The following RSPO2 variants were observed in gnomAD, a reference collection of about 807,000 sequenced individuals.
The protein encoded by RSPO2 is R-spondin 2, also known as R-spondin-2.
RSPO2 carries 14 observed loss-of-function variants against 30.9 expected under a neutral mutation model. That is an observed-to-expected ratio of 0.45 (90% CI 0.30 to 0.71). RSPO2 has a LOEUF of 0.71. RSPO2 is among the 30% of genes least tolerant of loss of function. The pLI is 0.08. For missense variants in RSPO2, 264 were observed against 301.9 expected, an observed-to-expected ratio of 0.87 and a Z score of 0.93; for synonymous variants, 107 against 96.4, an observed-to-expected ratio of 1.11 and a Z score of -0.64.
At chr8:107,937,510 A>T (rs901826078) in intron 5 of RSPO2, among the ~76,000 whole-genome samples, 4 of 151,830 alleles carry the variant, frequency 2.6e-5, no homozygotes, top group Non-Finnish European at 5.9e-5. Flanking sequence ...ATTAAGTGGT[A>T]GTCCTGGGAA....
chr8:107,961,149 C>T (rs973827166), intron 3 of RSPO2, among the ~76,000 whole-genome samples: 1 of 152,170 alleles, frequency 6.6e-6, no homozygotes, highest in Non-Finnish European at 1.5e-5. Context: ...TTACTTGCTG[C>T]CAGTATTGAA....
chr8:108,013,300 C>T (rs1810765087), intron 2 of RSPO2, among the ~76,000 whole-genome samples: 1 of 152,152 alleles, frequency 6.6e-6, no homozygotes, highest in Non-Finnish European at 1.5e-5. Context: ...TACTTTTCCA[C>T]CACTGTTAAT....
chr8:107,991,753 G>A (rs746874250), intron 2 of RSPO2, among the ~76,000 whole-genome samples: 1 of 152,098 alleles, frequency 6.6e-6, no homozygotes, highest in African/African-American at 2.4e-5. Context: ...CTCAAAGGAA[G>A]ACACACACGT....
chr8:107,942,150 G>A (rs1035089892), intron 5 of RSPO2, among the ~76,000 whole-genome samples: 4 of 152,260 alleles, frequency 2.6e-5, no homozygotes, highest in East Asian at 1.9e-4. Flanking sequence ...ACCTCCAAGG[G>A]TGGCTAAACT....
rs190262595 is a variant in RSPO2, at chr8:108,055,048, G to C, written c.94+27497C>G. 6.6e-5 allele frequency among the ~76,000 whole-genome samples: 10 copies of C among 152,320 alleles called. No individual in the cohort carries two copies. In the East Asian group the frequency reaches 1.5e-3, roughly 24 times the overall value. On this transcript the variant is annotated intron_variant, in intron 2 of 5. Transcript: ENST00000276659. The stretch of plus-strand genomic sequence containing the variant: ...AGGTGGGAGGATCGCTTGAGCCCAG[G>C]AGGTCGAGGCTACAGTGAGCTGAGA...
intron 2 of RSPO2, among the ~76,000 whole-genome samples, chr8:108,003,277 G>GTGTATATATATATA (rs1198114898): frequency 1.8e-5 from 1 of 56,370 alleles, no homozygotes; most frequent in Non-Finnish European, 3.4e-5. Context: ...GTGTGTGTGT[G>GTGTATATATATATA]TATATATATA....
At chr8:108,074,627 G>GT in intron 2 of RSPO2, among the ~76,000 whole-genome samples, 1 of 152,316 alleles carries the variant, frequency 6.6e-6, no homozygotes, top group Admixed American at 6.5e-5. Context: ...GTTGTAGGAA[G>GT]TTCTGGGGAT....
intron 2 of RSPO2, among the ~76,000 whole-genome samples, chr8:108,063,628 T>C (rs886329837): frequency 6.6e-6 from 1 of 151,856 alleles, no homozygotes; most frequent in Non-Finnish European, 1.5e-5. Context: ...ATAGATTCAA[T>C]GCCATCCCAT....
chr8:108,049,045 G>A (rs200850851), intron 2 of RSPO2, among the ~76,000 whole-genome samples: 2 of 151,764 alleles, frequency 1.3e-5, no homozygotes, highest in African/African-American at 2.4e-5. Context: ...AGTTTGTTGT[G>A]ATTTCTGTTC....
intron 2 of RSPO2, among the ~76,000 whole-genome samples, chr8:108,051,002 A>T (rs1586659215): frequency 6.6e-6 from 1 of 152,316 alleles, no homozygotes; most frequent in Non-Finnish European, 1.5e-5. Context: ...CAAGAAGTGA[A>T]AAACCCTCTT....
rs149316061 is a variant in RSPO2, at chr8:108,078,555, A to G, written c.94+3990T>C. On this transcript the variant is annotated intron_variant, in intron 2 of 5. Transcript: ENST00000276659. ...AAAAAAAAATTCGAATCTTTTCATTAAATTTTTAAGAACACAAACACAAAT... is the reference window on the plus strand; with the variant it reads ...AAAAAAAAATTCGAATCTTTTCATTGAATTTTTAAGAACACAAACACAAAT... Among the ~76,000 whole-genome samples the G allele has an allele frequency of 3.0e-3, 450 of 152,360 alleles. 1 individual carries two copies. The highest frequency in any genetic ancestry group is 4.1e-3 in the Admixed American group (63 of 15,294).
chr8:108,057,164 C>CTGCCCAACA (rs1812282065), intron 2 of RSPO2, among the ~76,000 whole-genome samples: 1 of 140,942 alleles, frequency 7.1e-6, no homozygotes, highest in Admixed American at 7.3e-5. Flanking sequence ...AAATGGTTAA[C>CTGCCCAACA]TGCCCAACAA....
chr8:108,054,652 G>A (rs937113908), intron 2 of RSPO2, among the ~76,000 whole-genome samples: 2 of 152,206 alleles, frequency 1.3e-5, no homozygotes, highest in African/African-American at 4.8e-5. Flanking sequence ...GAAATAAGCA[G>A]TGGATACAAC....
chr8:107,923,558 C>T (rs969387753), intron 5 of RSPO2, among the ~76,000 whole-genome samples: 4 of 152,150 alleles, frequency 2.6e-5, no homozygotes, highest in Non-Finnish European at 4.4e-5. Context: ...CCAGCAATCC[C>T]ATTACTGGGT....
chr8:107,937,154 G>GTT (rs34187034), intron 5 of RSPO2, among the ~76,000 whole-genome samples: 2,327 of 139,934 alleles, frequency 0.017, 28 homozygotes, highest in South Asian at 0.048. Context: ...ATCTTCAGTT[G>GTT]TTTTTTTTTT....
rs1586521362 is a variant in RSPO2, at chr8:107,900,611, A to G, written c.*464T>C. ...GCTAAAAGCAGTTTCATCGCACAAC[A>G]GTGTGAAGGTAACATGCTGAGAATA... On this transcript the variant is annotated 3_prime_UTR_variant, in exon 6 of 6. Coordinates refer to ENST00000276659, the MANE Select transcript of RSPO2 (RefSeq NM_178565.5). 2 of 153,704 alleles carry G rather than the reference A, an allele frequency of 1.3e-5. No individual in the cohort carries two copies. Among genetic ancestry groups the G allele is most frequent in the African/African-American group, 4.8e-5 (2 of 41,510 alleles). The allele number at this position is 153,704 out of a possible 1,614,324, so 9.5% of individuals were successfully genotyped here.
intron 3 of RSPO2, chr8:107,983,626 C>A: frequency 6.3e-7 from 1 of 1,594,624 alleles, no homozygotes; most frequent in Non-Finnish European, 8.6e-7. Context: ...TATAGAGGAG[C>A]AGGCAACCAA....
chr8:108,041,203 C>CAAAAAAAAAAAAAAAA (rs55937336), intron 2 of RSPO2, among the ~76,000 whole-genome samples: 2 of 100,380 alleles, frequency 2.0e-5, no homozygotes, highest in African/African-American at 3.8e-5. Flanking sequence ...CAAAAAGTGG[C>CAAAAAAAAAAAAAAAA]AAAAAAAAAA....
At chr8:107,972,934 T>C (rs1054794463) in intron 3 of RSPO2, among the ~76,000 whole-genome samples, 2 of 152,180 alleles carry the variant, frequency 1.3e-5, no homozygotes, top group Admixed American at 6.6e-5. Context: ...TGTTTTGATA[T>C]TTTTAATGGG....
Sources: gnomAD v4.1 joint callset for allele counts (sites outside exome capture counted in the v4.1 genomes callset) on GRCh38, gnomAD v4.1.1 for gene constraint, MANE v1.5 for transcripts, NCBI Gene and HGNC (gene_info 2026-07-23, HGNC 2026-07-21) for gene names.